Variants in CD109 observed in about 807,000 individuals in gnomAD.
CD109 encodes the protein CD109 molecule, also known as CD109 antigen.
Under a neutral mutation model 165.8 loss-of-function variants are expected in CD109, and 149 were observed. The observed-to-expected ratio is 0.90, with a 90% confidence interval of 0.79 to 1.03. The LOEUF is 1.03. Ranked by LOEUF, CD109 falls within the 50% of genes least tolerant of loss-of-function variation. CD109 has a pLI of 0.00. For missense variants in CD109, 1,712 were observed against 1,677.8 expected, an observed-to-expected ratio of 1.02 and a Z score of -0.36; for synonymous variants, 585 against 592.1, an observed-to-expected ratio of 0.99 and a Z score of 0.18.
chr6:73,698,948 T>TA (rs1770956271), intron 2 of CD109, among the ~76,000 whole-genome samples: 1 of 152,192 alleles, frequency 6.6e-6, no homozygotes, highest in South Asian at 2.1e-4. Context: ...GTTATAAAGT[T>TA]AAAATCTGTA....
At chr6:73,710,989 C>A (rs963634293) in intron 2 of CD109, among the ~76,000 whole-genome samples, 11 of 152,086 alleles carry the variant, frequency 7.2e-5, no homozygotes, top group Non-Finnish European at 1.5e-4. Context: ...ATGAAATATT[C>A]TTCTTCTTTT....
intron 17 of CD109, among the ~76,000 whole-genome samples, chr6:73,782,261 CAT>C (rs1448769508): frequency 2.0e-5 from 3 of 152,210 alleles, no homozygotes; most frequent in South Asian, 2.1e-4. Flanking sequence ...ACATTAAAGA[CAT>C]GTGGTACATT....
At chr6:73,788,094 C>T (rs572300934) in intron 21 of CD109, among the ~76,000 whole-genome samples, 7 of 152,190 alleles carry the variant, frequency 4.6e-5, no homozygotes, top group East Asian at 3.9e-4. Context: ...CAAAATGGTA[C>T]GCGCTGTGTC....
intron 16 of CD109, among the ~76,000 whole-genome samples, 200 bp from the exon 17 acceptor site, chr6:73,781,059 T>G: frequency 6.7e-6 from 1 of 150,360 alleles, no homozygotes; most frequent in African/African-American, 2.4e-5. Context: ...CGTGTGTGTG[T>G]TTGAGTGAGA....
chr6:73,768,686 T>G (rs1773935929), intron 14 of CD109, among the ~76,000 whole-genome samples: 1 of 152,202 alleles, frequency 6.6e-6, no homozygotes, highest in Non-Finnish European at 1.5e-5. Flanking sequence ...GGGCAACTTT[T>G]CAATGAGCTT....
chr6:73,727,727 A>C (rs951996825), intron 3 of CD109, among the ~76,000 whole-genome samples: 1 of 152,208 alleles, frequency 6.6e-6, no homozygotes, highest in South Asian at 2.1e-4. Context: ...TGCCACTAAA[A>C]ATGATAAACA....
At chr6:73,808,279 T>C in intron 26 of CD109, 31 bp downstream of exon 26, 1 of 1,581,086 alleles carries the variant, frequency 6.3e-7, no homozygotes. Flanking sequence ...GAGGTTGTTA[T>C]GCTTTATGAA....
At chr6:73,681,913 A>AT in the CD109 span, among the ~76,000 whole-genome samples, 3 of 152,148 alleles carry the variant, frequency 2.0e-5, no homozygotes, top group East Asian at 5.8e-4. Context: ...GGAAATTCCG[A>AT]TTTTAAAAAC....
intron 5 of CD109, among the ~76,000 whole-genome samples, chr6:73,749,376 C>A (rs944883979): frequency 6.6e-6 from 1 of 152,026 alleles, no homozygotes; most frequent in African/African-American, 2.4e-5. Context: ...CTGGAGGGGA[C>A]TGTAGGATTT....
intron 22 of CD109, 144 bp downstream of exon 22, chr6:73,788,756 A>G: frequency 1.5e-6 from 1 of 655,740 alleles, no homozygotes; most frequent in Non-Finnish European, 2.5e-6. Flanking sequence ...AACTCATTAT[A>G]ATATGAAGGC....
At chr6:73,778,607 A>C (rs1218630326) in intron 15 of CD109, among the ~76,000 whole-genome samples, 3 of 152,154 alleles carry the variant, frequency 2.0e-5, no homozygotes, top group Non-Finnish European at 4.4e-5. Context: ...TCTCTCCAAT[A>C]TGCCTGGCTC....
chr6:73,824,095 C>A lies in CD109; in HGVS notation c.*462C>A, dbSNP rs1258198694. 6.8e-6 allele frequency: 1 copy of A among 146,288 alleles called. No individual in the cohort carries two copies. The highest frequency in any genetic ancestry group is 1.5e-5 in the Non-Finnish European group (1 of 66,642). 9.1% of individuals were successfully genotyped at this position (146,288 alleles called of 1,614,324 possible). On this transcript the variant is annotated 3_prime_UTR_variant, in exon 33 of 33. Transcript: ENST00000287097. Reference sequence around the variant, plus strand: ...ACCTCCAACCTAGCCCTACTGCCCACCCCACCCCAACCCACCCCATGCCCA... The same window carrying A: ...ACCTCCAACCTAGCCCTACTGCCCAACCCACCCCAACCCACCCCATGCCCA...
In CD109 at chr6:73,749,579, A is replaced by T. The variant is rs117396669; in HGVS notation, c.634-7064A>T. Among the ~76,000 whole-genome samples the T allele has an allele frequency of 9.8e-3, 1,493 of 152,342 alleles. 78 individuals carry two copies. The highest frequency in any genetic ancestry group is 0.079 in the Admixed American group (1,211 of 15,294). On this transcript the variant is annotated intron_variant, in intron 5 of 32. Coordinates refer to ENST00000287097, the MANE Select transcript of CD109 (RefSeq NM_133493.5). ...ATTTTGTAGACAACAGGCAGCTCTA[A>T]AAACTTTTGTGTATTTTACTTTGAA...
Position 73,826,983 on chromosome 6 carries a change from A to T in CD109, c.*3350A>T, listed in dbSNP as rs893435054. On this transcript the variant is annotated 3_prime_UTR_variant, in exon 33 of 33. Coordinates refer to ENST00000287097, the MANE Select transcript of CD109 (RefSeq NM_133493.5). Reference sequence around the variant, plus strand: ...ACATAATTCAATTATTTCATTTGACATGTCTGGCAGACTCAAGACATTAAG... The same window carrying T: ...ACATAATTCAATTATTTCATTTGACTTGTCTGGCAGACTCAAGACATTAAG... The T allele has an allele frequency of 2.6e-5, 4 of 152,144 alleles. No homozygotes were observed. The highest frequency in any genetic ancestry group is 3.9e-4 in the East Asian group (2 of 5,188). The allele number at this position is 152,144 out of a possible 1,614,324, so 9.4% of individuals were successfully genotyped here.
At chr6:73,699,880 C>A (rs985440145) in intron 2 of CD109, among the ~76,000 whole-genome samples, 3 of 152,198 alleles carry the variant, frequency 2.0e-5, no homozygotes, top group African/African-American at 7.2e-5. Flanking sequence ...AGAGCAGATG[C>A]TTCCTGTAAT....
intron 2 of CD109, among the ~76,000 whole-genome samples, chr6:73,705,660 A>G (rs900803070): frequency 6.6e-6 from 1 of 151,960 alleles, no homozygotes; most frequent in Non-Finnish European, 1.5e-5. Flanking sequence ...AAAGAATAGA[A>G]TAGACAACGA....
At chr6:73,725,366 T>C (rs1477750375) in intron 3 of CD109, among the ~76,000 whole-genome samples, 1 of 152,154 alleles carries the variant, frequency 6.6e-6, no homozygotes, top group East Asian at 1.9e-4. Flanking sequence ...TCAAAGGAGT[T>C]TGCAGTTTCA....
At chr6:73,779,552 A>C (rs1036068349) in intron 15 of CD109, among the ~76,000 whole-genome samples, 1 of 151,998 alleles carries the variant, frequency 6.6e-6, no homozygotes, top group Non-Finnish European at 1.5e-5. Context: ...CTAGCCTCAG[A>C]GCTTCATTTC....
intron 5 of CD109, among the ~76,000 whole-genome samples, chr6:73,744,345 G>C (rs1772901483): frequency 6.6e-6 from 1 of 152,206 alleles, no homozygotes; most frequent in Non-Finnish European, 1.5e-5. Flanking sequence ...GATGATTGCT[G>C]TTATTATCCT....
Sources: allele counts gnomAD v4.1 joint callset (sites outside exome capture counted in the v4.1 genomes callset), GRCh38; gene constraint gnomAD v4.1.1; transcripts MANE v1.5; gene names NCBI Gene and HGNC (gene_info 2026-07-23, HGNC 2026-07-21).